The following TCF12 variants were observed in gnomAD, a reference collection of about 807,000 sequenced individuals.
The protein encoded by TCF12 is DNA-binding protein HTF4.
In TCF12, 45 loss-of-function variants were observed where a neutral mutation model predicts 86.0. The ratio of observed to expected loss-of-function variants is 0.52; its 90% CI spans 0.41 to 0.67. TCF12 has a LOEUF of 0.67. Ranked by LOEUF, TCF12 falls within the 30% of genes least tolerant of loss-of-function variation. The probability of loss-of-function intolerance (pLI) is 0.00; values close to 1 mark genes in which losing one functional copy is unlikely to be tolerated. For synonymous variants in TCF12, 330 were observed against 299.6 expected, an observed-to-expected ratio of 1.10 and a Z score of -1.05; for missense variants, 881 against 859.9, an observed-to-expected ratio of 1.02 and a Z score of -0.31.
At chr15:57,130,198 A>G (rs1365704980) in intron 5 of TCF12, among the ~76,000 whole-genome samples, 1 of 152,182 alleles carries the variant, frequency 6.6e-6, no homozygotes, top group African/African-American at 2.4e-5. Context: ...TTTTGGATGA[A>G]TGTCTTGATG....
chr15:57,132,754 A>G (rs1211546225), intron 5 of TCF12, among the ~76,000 whole-genome samples: 11 of 152,206 alleles, frequency 7.2e-5, no homozygotes, highest in African/African-American at 2.7e-4. Context: ...TCAGTTATTC[A>G]TAATACTAAG....
At position 57,136,118 on chromosome 15, in the gene TCF12, A is replaced by G. The variant is rs190579515; in HGVS notation, c.326-30284A>G. Among the ~76,000 whole-genome samples the G allele has an allele frequency of 1.8e-4, 28 of 152,340 alleles. No homozygotes were observed. The East Asian group carries it at 4.4e-3, about 24-fold the overall frequency. On this transcript the variant is annotated intron_variant, in intron 5 of 20. Transcript: ENST00000333725. ...TTTGTCTAAATAAAATCATTGATCT[A>G]TACTATTGATCTGCAGTATCCTTGA...
chr15:57,107,309 C>CTA (rs879888330), intron 5 of TCF12, among the ~76,000 whole-genome samples: 6,042 of 152,142 alleles, frequency 0.04, 372 homozygotes, highest in Admixed American at 0.17. Flanking sequence ...GTGCAGATTA[C>CTA]TGTGTGAAAC....
chr15:57,144,707 T>C (rs1490742553), intron 5 of TCF12, among the ~76,000 whole-genome samples: 1 of 152,184 alleles, frequency 6.6e-6, no homozygotes, highest in Non-Finnish European at 1.5e-5. Flanking sequence ...CAAGTGATCC[T>C]CCCACCTCAG....
intron 5 of TCF12, among the ~76,000 whole-genome samples, chr15:57,136,006 TA>T (rs1353102043): frequency 6.6e-6 from 1 of 152,156 alleles, no homozygotes; most frequent in African/African-American, 2.4e-5. Flanking sequence ...TCTTTTTAAA[TA>T]ATTTAGATCT....
chr15:57,018,568 G>A (rs940337834), intron 3 of TCF12, among the ~76,000 whole-genome samples: 11 of 152,016 alleles, frequency 7.2e-5, no homozygotes, highest in Non-Finnish European at 1.0e-4. Flanking sequence ...GGTCAAGCCA[G>A]CCTCTCACCT....
chr15:57,160,332 A>G (rs115375981), intron 5 of TCF12, among the ~76,000 whole-genome samples: 1,776 of 152,246 alleles, frequency 0.012, 36 homozygotes, highest in African/African-American at 0.04. Context: ...AAAGGGGGGA[A>G]AAGTCCCTTA....
In TCF12 at chr15:57,178,608, C is replaced by T. The variant is rs537820690; in HGVS notation, c.390+12142C>T. ...CTGTTCTTCTAATGTTAGCACCTCACACAGCTGGCTTCTTTGTATTCATTA... is the reference window on the plus strand; with the variant it reads ...CTGTTCTTCTAATGTTAGCACCTCATACAGCTGGCTTCTTTGTATTCATTA... On this transcript the variant is annotated intron_variant, in intron 6 of 20. Transcript: ENST00000333725. 1.4e-4 allele frequency among the ~76,000 whole-genome samples: 22 copies of T among 152,326 alleles called. No homozygotes were observed. The South Asian group carries it at 4.6e-3, about 32-fold the overall frequency.
At position 57,033,733 on chromosome 15, in the gene TCF12, T is replaced by G. The variant is rs74354318; in HGVS notation, c.149-30017T>G. ...ATATTAGTAAAAATTATTAGCTTTC[T>G]TGCTTATTTAATTCTAAAGATGTAC... On this transcript the variant is annotated intron_variant, in intron 3 of 20. Coordinates refer to ENST00000333725, the MANE Select transcript of TCF12 (RefSeq NM_207037.2). 7.8e-3 allele frequency among the ~76,000 whole-genome samples: 1,182 copies of G among 152,322 alleles called. 16 individuals carry two copies. The highest frequency in any genetic ancestry group is 0.027 in the African/African-American group (1,120 of 41,574).
chr15:57,166,311 C>A, intron 5 of TCF12, 91 bp from the exon 6 acceptor site: 1 of 1,030,554 alleles, frequency 9.7e-7, no homozygotes, highest in Non-Finnish European at 1.4e-6. Flanking sequence ...TATTTTAAAA[C>A]TGCAATATAA....
At chr15:57,229,197 A>C (rs751230814) in intron 8 of TCF12, among the ~76,000 whole-genome samples, 1 of 152,004 alleles carries the variant, frequency 6.6e-6, no homozygotes, top group Non-Finnish European at 1.5e-5. Flanking sequence ...GATTAAAAGA[A>C]AATAGTCCAA....
chr15:57,171,183 A>G lies in TCF12; in HGVS notation c.390+4717A>G, dbSNP rs1464329234. Among the ~76,000 whole-genome samples, 5 of 152,190 alleles carry G rather than the reference A, an allele frequency of 3.3e-5. No homozygotes were observed. The East Asian group carries it at 7.7e-4, about 24-fold the overall frequency. ...CTAGAATGTTTGATACAAAATAACA[A>G]TATTGCTATATACAAGATTTAAAGA... On this transcript the variant is annotated intron_variant, in intron 6 of 20. Coordinates refer to ENST00000333725, the MANE Select transcript of TCF12 (RefSeq NM_207037.2).
intron 3 of TCF12, among the ~76,000 whole-genome samples, chr15:56,979,672 A>C (rs1373405577): frequency 2.0e-5 from 3 of 152,214 alleles, no homozygotes; most frequent in Non-Finnish European, 4.4e-5. Context: ...ATAGATTTTT[A>C]GTATTGCTTT....
At position 57,012,235 on chromosome 15, in the gene TCF12, A is replaced by G. The variant is rs560693242; in HGVS notation, c.149-51515A>G. Among the ~76,000 whole-genome samples, 27 of 152,308 alleles carry G rather than the reference A, an allele frequency of 1.8e-4. 1 individual carries two copies. In the South Asian group the frequency reaches 5.4e-3, roughly 30 times the overall value. ...CATTTAATATACTACATTAATATAT[A>G]TATTCAATTACTGTTATTAGAAAGA... On this transcript the variant is annotated intron_variant, in intron 3 of 20. Coordinates refer to ENST00000333725, the MANE Select transcript of TCF12 (RefSeq NM_207037.2).
chr15:57,159,591 T>C (rs2151501340), intron 5 of TCF12, among the ~76,000 whole-genome samples: 1 of 152,350 alleles, frequency 6.6e-6, no homozygotes, highest in South Asian at 2.1e-4. Context: ...ATGGAAAAGC[T>C]CACATGACTT....
intron 19 of TCF12, chr15:57,278,697 T>TCTCTCCCTCCCTCCCCTCC (rs2061519374): frequency 1.7e-5 from 2 of 118,688 alleles, no homozygotes; most frequent in African/African-American, 1.3e-4. Flanking sequence ...CCTCTCCCTC[T>TCTCTCCCTCCCTCCCCTCC]CTCTCCCTCC....
intron 19 of TCF12, among the ~76,000 whole-genome samples, chr15:57,278,271 G>A (rs2061495990): frequency 6.6e-6 from 1 of 152,152 alleles, no homozygotes; most frequent in Admixed American, 6.5e-5. Flanking sequence ...CATGACAAGA[G>A]CTACTGGGCC....
intron 5 of TCF12, among the ~76,000 whole-genome samples, chr15:57,120,809 A>AAG (rs1407561747): frequency 2.6e-5 from 4 of 152,144 alleles, no homozygotes. Context: ...AGAGACTGGA[A>AAG]GAGTTTGGTT....
chr15:57,272,470 T>A (rs1218388127), intron 18 of TCF12, among the ~76,000 whole-genome samples: 1 of 152,254 alleles, frequency 6.6e-6, no homozygotes, highest in African/African-American at 2.4e-5. Context: ...TATCTTAAGC[T>A]TTCCTTCTTT....
Sources: allele counts gnomAD v4.1 joint callset (sites outside exome capture counted in the v4.1 genomes callset), GRCh38; gene constraint gnomAD v4.1.1; transcripts MANE v1.5; gene names NCBI Gene and HGNC (gene_info 2026-07-23, HGNC 2026-07-21).